Variants in LAMC3 observed in about 807,000 individuals in gnomAD.
The protein encoded by LAMC3 is laminin subunit gamma-3.
LAMC3 carries 128 observed loss-of-function variants against 173.8 expected under a neutral mutation model. That is an observed-to-expected ratio of 0.74 (90% CI 0.64 to 0.85). The LOEUF (loss-of-function observed/expected upper bound fraction) is 0.85, where lower values mean the gene tolerates loss of function less well. Among genes scored for constraint, LAMC3 ranks in the 40% least tolerant of loss-of-function variants. LAMC3 has a pLI of 0.00. For missense variants in LAMC3, 2,022 were observed against 2,156.0 expected (o/e 0.94, Z 1.23); for synonymous variants, 897 against 909.1 (o/e 0.99, Z 0.24).
intron 1 of LAMC3, among the ~76,000 whole-genome samples, chr9:131,020,465 T>G (rs1044634893): frequency 6.6e-6 from 1 of 152,200 alleles, no homozygotes; most frequent in Non-Finnish European, 1.5e-5. Flanking sequence ...GAATCAAGAT[T>G]GCCAAGTCTA....
At chr9:131,062,138 G>A (rs1322302007) in intron 13 of LAMC3, among the ~76,000 whole-genome samples, 2 of 152,118 alleles carry the variant, frequency 1.3e-5, no homozygotes, top group Non-Finnish European at 2.9e-5. Flanking sequence ...TGAAGCGGGT[G>A]GATCACAAGG....
rs398012456 is a variant in LAMC3, at chr9:131,047,165, C to CTTTTTTTTTTTTTTTTTTTTTTTTTTT, written c.1519+1522_1519+1523insTTTTTTTTTTTTTTTTTTTTTTTTTTT. Among the ~76,000 whole-genome samples, 484 of 102,086 alleles carry CTTTTTTTTTTTTTTTTTTTTTTTTTTT rather than the reference C, an allele frequency of 4.7e-3. 63 individuals are homozygous for CTTTTTTTTTTTTTTTTTTTTTTTTTTT. The highest frequency in any genetic ancestry group is 6.7e-3 in the Non-Finnish European group (350 of 52,484). The allele number at this position is 102,086 out of a possible 152,430, so 67.0% of individuals were successfully genotyped here. A position where few individuals can be genotyped will look rare whatever the true frequency, so the allele number is the denominator to read the frequency against. ...AAAACTTTTTGGTCTCTGAATTCCT[C>CTTTTTTTTTTTTTTTTTTTTTTTTTTT]TTTTTTTTTTTTTTTTTAAGACGGA... On this transcript the variant is annotated intron_variant, in intron 8 of 27. Transcript: ENST00000361069.
intron 13 of LAMC3, among the ~76,000 whole-genome samples, chr9:131,061,769 G>T (rs1277777046): frequency 6.6e-6 from 1 of 152,166 alleles, no homozygotes; most frequent in Non-Finnish European, 1.5e-5. Context: ...ATACAATTCG[G>T]CTGGGTGTGG....
chr9:131,036,434 C>T lies in LAMC3; in HGVS notation c.976+102C>T, dbSNP rs2275130. ...TCGTGGTGGGGGCTGCTCCTGGGTA[C>T]GCCCCGGGGGCAGCTCGGGGTCTCT... On this transcript the variant is annotated intron_variant, in intron 4 of 27. Transcript: ENST00000361069. The T allele has an allele frequency of 0.64, 872,932 of 1,361,234 alleles. 288,282 individuals are homozygous for T. Among genetic ancestry groups the T allele is most frequent in the Non-Finnish European group, 0.69 (668,801 of 974,416 alleles). The allele number at this position is 1,361,234 out of a possible 1,614,324, so 84.3% of individuals were successfully genotyped here.
At chr9:131,078,665 G>C (rs781770316) in intron 22 of LAMC3, among the ~76,000 whole-genome samples, 16 of 152,336 alleles carry the variant, frequency 1.1e-4, no homozygotes, top group African/African-American at 3.8e-4. Context: ...GCACCACTCA[G>C]GGTGTTAGGT....
At chr9:131,040,910 C>T (rs926934084) in intron 6 of LAMC3, among the ~76,000 whole-genome samples, 2 of 152,138 alleles carry the variant, frequency 1.3e-5, no homozygotes, top group Admixed American at 6.5e-5. Flanking sequence ...CTACACCAGA[C>T]TGGGATTCAC....
At chr9:131,071,445 C>T in intron 17 of LAMC3, 39 bp from the exon 18 acceptor site, 1 of 1,603,366 alleles carries the variant, frequency 6.2e-7, no homozygotes, top group African/African-American at 1.3e-5. Context: ...GACCTCCATG[C>T]CACCAGCCTC....
chr9:131,076,288 C>G (rs1465952361), intron 21 of LAMC3, among the ~76,000 whole-genome samples: 2 of 152,174 alleles, frequency 1.3e-5, no homozygotes, highest in Non-Finnish European at 2.9e-5. Flanking sequence ...GGCGCCCCAG[C>G]CCAGGGCAGC....
chr9:131,067,088 C>G lies in LAMC3; in HGVS notation c.2476C>G (p.Pro826Ala), dbSNP rs1291262395. The G allele has an allele frequency of 1.2e-6, 2 of 1,614,128 alleles. No individual in the cohort carries two copies. The highest frequency in any genetic ancestry group is 3.3e-5 in the Admixed American group (2 of 60,026). ...VDPNAVGNCD[P>A]LSGHCLRCLH... is the part of the protein sequence containing the mutation. ...CCCCAATGCCGTGGGCAACTGTGAC[C>G]CCCTGTCTGGCCACTGCCTGCGCTG... The change falls in exon 14 of 28, where the codon CCC becomes GCC. Residue 826 changes from proline to alanine, a missense_variant. Coordinates refer to ENST00000361069, the MANE Select transcript of LAMC3 (RefSeq NM_006059.4).
intron 1 of LAMC3, among the ~76,000 whole-genome samples, chr9:131,025,062 T>A (rs1833692406): frequency 6.6e-6 from 1 of 152,104 alleles, no homozygotes; most frequent in Non-Finnish European, 1.5e-5. Context: ...CTGTACTTCC[T>A]TCTTATTATT....
intron 27 of LAMC3, among the ~76,000 whole-genome samples, chr9:131,088,697 C>T (rs1271276717): frequency 1.3e-5 from 2 of 152,162 alleles, no homozygotes; most frequent in Admixed American, 1.3e-4. Flanking sequence ...TCATCATCTC[C>T]AACTGAAGCT....
chr9:131,056,867 G>A, intron 11 of LAMC3, 62 bp from the exon 12 acceptor site: 1 of 1,325,144 alleles, frequency 7.5e-7, no homozygotes, highest in African/African-American at 1.4e-5. Flanking sequence ...GAAGGTTTTG[G>A]GGGGAAGCAT....
At chr9:131,020,800 G>C (rs1162666887) in intron 1 of LAMC3, among the ~76,000 whole-genome samples, 1 of 152,162 alleles carries the variant, frequency 6.6e-6, no homozygotes, top group African/African-American at 2.4e-5. Flanking sequence ...TTGTTTTGGT[G>C]CATAGAGAGA....
chr9:131,039,121 C>T lies in LAMC3; in HGVS notation c.1166-10C>T. ...CTGGCCTCAATTGCCCTGTGCCCTT[C>T]CTCTCCCAGGCTCCCTACACCTCCA... On this transcript the variant is annotated splice_polypyrimidine_tract_variant and intron_variant, in intron 5 of 27. Transcript: ENST00000361069. 6 of 1,611,606 alleles carry T rather than the reference C, an allele frequency of 3.7e-6. No individual in the cohort carries two copies. The highest frequency in any genetic ancestry group is 5.1e-6 in the Non-Finnish European group (6 of 1,179,938).
intron 3 of LAMC3, among the ~76,000 whole-genome samples, chr9:131,032,785 C>T (rs1833867565): frequency 6.6e-6 from 1 of 152,220 alleles, no homozygotes; most frequent in African/African-American, 2.4e-5. Context: ...TCACCTGTCT[C>T]AGCCTCCCAA....
rs1430636532 is a variant in LAMC3, at chr9:131,055,883, G to A, written c.1940-1046G>A. On this transcript the variant is annotated intron_variant, in intron 11 of 27. Transcript: ENST00000361069. ...CATCAAAATCCTGTTACATTCATTAGTCTCAAAATCTCCTATAACACTTAG... is the reference window on the plus strand; with the variant it reads ...CATCAAAATCCTGTTACATTCATTAATCTCAAAATCTCCTATAACACTTAG... 2.0e-5 allele frequency among the ~76,000 whole-genome samples: 3 copies of A among 152,058 alleles called. No individual in the cohort carries two copies. The East Asian group carries it at 5.8e-4, about 29-fold the overall frequency.
chr9:131,066,832 A>T, intron 13 of LAMC3, 128 bp from the exon 14 acceptor site: 1 of 1,289,392 alleles, frequency 7.8e-7, no homozygotes, highest in Non-Finnish European at 1.1e-6. Context: ...GGCCGGTCCC[A>T]GGTCCTCCTG....
intron 7 of LAMC3, among the ~76,000 whole-genome samples, chr9:131,044,942 G>T (rs969261209): frequency 6.6e-6 from 1 of 152,130 alleles, no homozygotes; most frequent in African/African-American, 2.4e-5. Flanking sequence ...TATTAAAGTC[G>T]CTGGGCGCGG....
At chr9:131,035,814 C>T (rs1035155919) in intron 3 of LAMC3, among the ~76,000 whole-genome samples, 1 of 152,204 alleles carries the variant, frequency 6.6e-6, no homozygotes, top group African/African-American at 2.4e-5. Context: ...GTGACTTCTT[C>T]CTGGGTCCCT....
Sources: gnomAD v4.1 joint callset for allele counts (sites outside exome capture counted in the v4.1 genomes callset) on GRCh38, gnomAD v4.1.1 for gene constraint, MANE v1.5 for transcripts, NCBI Gene and HGNC (gene_info 2026-07-23, HGNC 2026-07-21) for gene names.